The following STXBP5 variants were observed in gnomAD, a reference collection of about 807,000 sequenced individuals.
The protein encoded by STXBP5 is syntaxin binding protein 5, also known as syntaxin-binding protein 5.
In STXBP5, 50 loss-of-function variants were observed where a neutral mutation model predicts 152.4. The observed-to-expected ratio is 0.33, with a 90% CI of 0.26 to 0.42. The LOEUF is 0.42. Among genes scored for constraint, STXBP5 ranks in the 10% least tolerant of loss-of-function variants. The pLI, the probability that STXBP5 is intolerant of heterozygous loss-of-function variation, is 1.00. For synonymous variants in STXBP5, 492 were observed against 494.7 expected, an observed-to-expected ratio of 0.99 and a Z score of 0.07; for missense variants, 1,167 against 1,388.6, an observed-to-expected ratio of 0.84 and a Z score of 2.54.
chr6:147,314,109 CATT>C (rs1324397838), intron 12 of STXBP5, 78 bp downstream of exon 12: 11 of 1,499,002 alleles, frequency 7.3e-6, no homozygotes, highest in Non-Finnish European at 1.0e-5. Flanking sequence ...TATTTGATAA[CATT>C]ATACCTTTTC....
chr6:147,376,546 G>A (rs9497763), intron 26 of STXBP5, among the ~76,000 whole-genome samples: 2,421 of 152,210 alleles, frequency 0.016, 66 homozygotes, highest in African/African-American at 0.055. Context: ...GGCCAGCGTC[G>A]AGTCTCACAC....
chr6:147,358,008 A>G (rs1220140544), intron 22 of STXBP5, among the ~76,000 whole-genome samples: 1 of 152,284 alleles, frequency 6.6e-6, no homozygotes, highest in East Asian at 1.9e-4. Context: ...ACATTTTATT[A>G]GTATAATTTT....
chr6:147,357,805 TTAATATAAA>T (rs1784880920), intron 22 of STXBP5, among the ~76,000 whole-genome samples: 1 of 152,108 alleles, frequency 6.6e-6, no homozygotes, highest in African/African-American at 2.4e-5. Flanking sequence ...AGAAGTGTCA[TTAATATAAA>T]TAGTGCCATT....
chr6:147,283,633 G>A (rs1780805518), intron 8 of STXBP5, among the ~76,000 whole-genome samples: 1 of 152,140 alleles, frequency 6.6e-6, no homozygotes, highest in Non-Finnish European at 1.5e-5. Context: ...GAAACTCTCA[G>A]GAAGGCCCTT....
At chr6:147,364,660 T>C (rs1467933407) in intron 25 of STXBP5, among the ~76,000 whole-genome samples, 1 of 152,330 alleles carries the variant, frequency 6.6e-6, no homozygotes, top group East Asian at 1.9e-4. Flanking sequence ...AAATTCTTTA[T>C]ATACAGAAAT....
intron 2 of STXBP5, among the ~76,000 whole-genome samples, chr6:147,221,676 T>C (rs1007622936): frequency 1.3e-5 from 2 of 151,974 alleles, no homozygotes; most frequent in Non-Finnish European, 2.9e-5. Flanking sequence ...TCCAATGGCT[T>C]CTTTCAAGAT....
chr6:147,248,672 G>A (rs1361942591), intron 4 of STXBP5, among the ~76,000 whole-genome samples: 1 of 152,198 alleles, frequency 6.6e-6, no homozygotes, highest in Non-Finnish European at 1.5e-5. Context: ...GGTACCTGTG[G>A]TAGGCAGAAG....
At chr6:147,303,163 A>G (rs1251623487) in intron 9 of STXBP5, among the ~76,000 whole-genome samples, 1 of 152,140 alleles carries the variant, frequency 6.6e-6, no homozygotes, top group Non-Finnish European at 1.5e-5. Flanking sequence ...TTTAGTACTG[A>G]TATGGTTTGA....
chr6:147,236,815 G>A (rs1164563947), intron 3 of STXBP5, among the ~76,000 whole-genome samples: 5 of 142,950 alleles, frequency 3.5e-5, no homozygotes, highest in African/African-American at 1.3e-4. Context: ...GTCTTACTCC[G>A]TCACCCAGGC....
chr6:147,349,238 G>A (rs772200778), intron 21 of STXBP5, among the ~76,000 whole-genome samples: 1 of 152,080 alleles, frequency 6.6e-6, no homozygotes, highest in Non-Finnish European at 1.5e-5. Context: ...TTACACAAGA[G>A]TTGATACTGT....
At chr6:147,316,722 A>G (rs1782663079) in intron 16 of STXBP5, among the ~76,000 whole-genome samples, 1 of 151,984 alleles carries the variant, frequency 6.6e-6, no homozygotes, top group Admixed American at 6.6e-5. Flanking sequence ...ATTTATATGT[A>G]GCTTGGATTT....
At chr6:147,231,476 TAGTC>T (rs1778004083) in intron 2 of STXBP5, among the ~76,000 whole-genome samples, 1 of 151,842 alleles carries the variant, frequency 6.6e-6, no homozygotes, top group African/African-American at 2.4e-5. Context: ...TCATAGCTGT[TAGTC>T]AAGCAATAGA....
chr6:147,316,446 T>A (rs775892071), intron 16 of STXBP5, 39 bp downstream of exon 16: 9 of 1,409,718 alleles, frequency 6.4e-6, no homozygotes, highest in Non-Finnish European at 8.4e-6. Flanking sequence ...TTGGATATTA[T>A]CTTTTAATTT....
intron 2 of STXBP5, among the ~76,000 whole-genome samples, chr6:147,216,167 G>A (rs955773654): frequency 5.9e-5 from 9 of 152,230 alleles, no homozygotes; most frequent in Middle Eastern, 3.4e-3. Context: ...TGAGGCAGGC[G>A]GATCACTTGA....
chr6:147,212,732 A>G (rs1321199872), intron 2 of STXBP5, among the ~76,000 whole-genome samples: 2 of 152,192 alleles, frequency 1.3e-5, no homozygotes, highest in African/African-American at 4.8e-5. Flanking sequence ...TCATAATCCA[A>G]GTCAGTAGAA....
chr6:147,222,211 T>C (rs980135051), intron 2 of STXBP5, among the ~76,000 whole-genome samples: 3 of 152,234 alleles, frequency 2.0e-5, no homozygotes, highest in Non-Finnish European at 4.4e-5. Flanking sequence ...ATGGTTGTTT[T>C]AAATTCCTAG....
intron 4 of STXBP5, among the ~76,000 whole-genome samples, chr6:147,251,168 C>A (rs1779071652): frequency 1.3e-5 from 2 of 152,164 alleles, no homozygotes; most frequent in South Asian, 2.1e-4. Context: ...CGTTGCCTCA[C>A]CCGGAAGCGG....
chr6:147,365,665 A>G (rs1235367174), intron 25 of STXBP5, among the ~76,000 whole-genome samples: 1 of 152,190 alleles, frequency 6.6e-6, no homozygotes, highest in Non-Finnish European at 1.5e-5. Flanking sequence ...ACTTGTGATA[A>G]AATGTTTTCT....
Position 147,311,447 on chromosome 6 carries a change from A to G in STXBP5, c.1073-8A>G. ...TGAAACTATAATTCATGCATTGTCC[A>G]ATTCCAGATTTTCAAGAACCATATG... is the stretch of plus-strand genomic sequence containing the variant. On this transcript the variant is annotated splice_region_variant and splice_polypyrimidine_tract_variant and intron_variant, in intron 10 of 27. Coordinates refer to ENST00000321680, the MANE Select transcript of STXBP5 (RefSeq NM_001127715.4). 1 of 1,611,170 alleles carries G rather than the reference A, an allele frequency of 6.2e-7. No homozygotes were observed. Among genetic ancestry groups the G allele is most frequent in the Non-Finnish European group, 8.5e-7 (1 of 1,178,580 alleles).
Sources: gnomAD v4.1 joint callset for allele counts (sites outside exome capture counted in the v4.1 genomes callset) on GRCh38, gnomAD v4.1.1 for gene constraint, MANE v1.5 for transcripts, NCBI Gene and HGNC (gene_info 2026-07-23, HGNC 2026-07-21) for gene names.